RANBP2: variants seen among roughly 807,000 people sequenced by gnomAD.
The protein encoded by RANBP2 is E3 SUMO-protein ligase RanBP2.
A neutral mutation model predicts 303.6 loss-of-function variants in RANBP2; 57 were observed. That is an observed-to-expected ratio of 0.19 (90% CI 0.15 to 0.23). RANBP2 has a LOEUF of 0.23. Among genes scored for constraint, RANBP2 ranks in the 10% least tolerant of loss-of-function variants. RANBP2 has a pLI of 1.00. For synonymous variants in RANBP2, 1,167 were observed against 1,301.5 expected (o/e 0.90, Z 2.23); for missense variants, 3,138 against 3,780.8 (o/e 0.83, Z 4.46).
the RANBP2 span, among the ~76,000 whole-genome samples, chr2:109,523,509 C>T: frequency 1.2e-4 from 19 of 152,202 alleles, no homozygotes; most frequent in African/African-American, 3.9e-4. Context: ...GTGATACACA[C>T]GCTGTTCCAT....
chr2:108,836,844 C>T, the RANBP2 span, among the ~76,000 whole-genome samples: 13 of 151,646 alleles, frequency 8.6e-5, no homozygotes, highest in Non-Finnish European at 1.2e-4. Flanking sequence ...GAACTGTTTT[C>T]CTAATTTCCT....
At chr2:108,757,077 T>TA (rs1676374850) in intron 17 of RANBP2, among the ~76,000 whole-genome samples, 1 of 152,212 alleles carries the variant, frequency 6.6e-6, no homozygotes, top group South Asian at 2.1e-4. Context: ...AAAGCAGACA[T>TA]GCTAGATCTG....
the RANBP2 span, among the ~76,000 whole-genome samples, chr2:109,415,376 A>G: frequency 6.6e-6 from 1 of 152,200 alleles, no homozygotes; most frequent in African/African-American, 2.4e-5. Context: ...CAGGCTTGCG[A>G]AGGTTGAAAG....
the RANBP2 span, among the ~76,000 whole-genome samples, chr2:109,300,600 C>T: frequency 6.6e-6 from 1 of 152,178 alleles, no homozygotes; most frequent in Non-Finnish European, 1.5e-5. Flanking sequence ...GGCAAATATG[C>T]ACTGGGACTT....
the RANBP2 span, among the ~76,000 whole-genome samples, chr2:109,694,971 C>T: frequency 6.6e-6 from 1 of 152,048 alleles, no homozygotes; most frequent in Non-Finnish European, 1.5e-5. Context: ...TCCTGTTCCA[C>T]CTCTTTCCCA....
rs1460131690 is a variant in RANBP2 at position 108,730,789 on chromosome 2, C to T, written c.156C>T (p.Tyr52=). ...YDLAKKYICT[Y]INVQERDPKA... The stretch of plus-strand genomic sequence containing the variant: ...TAAAAAACAGATACATATGTACTTA[C>T]ATTAATGTGCAAGAGAGGGATCCCA... The change falls in exon 3 of 29, where the codon TAC becomes TAT. Residue 52 remains tyrosine (Y), a synonymous_variant. Transcript: ENST00000283195. 5.0e-6 allele frequency: 8 copies of T among 1,611,424 alleles called. No individual in the cohort carries two copies. Among genetic ancestry groups the T allele is most frequent in the African/African-American group, 2.7e-5 (2 of 74,808 alleles).
chr2:109,581,582 C>T, the RANBP2 span, among the ~76,000 whole-genome samples: 33 of 150,580 alleles, frequency 2.2e-4, no homozygotes, highest in Non-Finnish European at 4.4e-5. Flanking sequence ...AGAAATGGGA[C>T]TGAACACACG....
intron 8 of RANBP2, among the ~76,000 whole-genome samples, chr2:108,748,396 T>A (rs982629728): frequency 2.2e-5 from 3 of 135,828 alleles, no homozygotes; most frequent in Admixed American, 7.3e-5. Flanking sequence ...TTTTTTTTTG[T>A]ATTTTTAGTA....
chr2:109,676,011 G>T, the RANBP2 span, among the ~76,000 whole-genome samples: 1 of 152,234 alleles, frequency 6.6e-6, no homozygotes, highest in Non-Finnish European at 1.5e-5. Flanking sequence ...CTATGCACCC[G>T]CGCTGTCCAC....
the RANBP2 span, among the ~76,000 whole-genome samples, chr2:109,287,820 T>C: frequency 6.6e-6 from 1 of 152,228 alleles, no homozygotes; most frequent in East Asian, 1.9e-4. Context: ...TTTAGGGCGC[T>C]GCACTCTCCT....
At chr2:109,445,150 A>G in the RANBP2 span, among the ~76,000 whole-genome samples, 1 of 152,070 alleles carries the variant, frequency 6.6e-6, no homozygotes, top group Admixed American at 6.5e-5. Context: ...TACAGAGCAG[A>G]GATGAAAAAT....
chr2:109,518,915 C>CTTTTTTTTTTTTTTTTTTT, the RANBP2 span, among the ~76,000 whole-genome samples: 2 of 110,998 alleles, frequency 1.8e-5, no homozygotes, highest in Admixed American at 9.9e-5. Flanking sequence ...TGCTACATAT[C>CTTTTTTTTTTTTTTTTTTT]TTTTTTTTTT....
chr2:109,615,048 G>GACA, the RANBP2 span: 1 of 1,548,654 alleles, frequency 6.5e-7, no homozygotes, highest in Non-Finnish European at 8.7e-7. Context: ...CGAGGAGGCG[G>GACA]ACAGGGGCAG....
chr2:109,170,288 TCTTCTCTTCTCTTCTCTTCTCTTCTCTC>T, the RANBP2 span, among the ~76,000 whole-genome samples: 1 of 124,224 alleles, frequency 8.0e-6, no homozygotes, highest in African/African-American at 2.9e-5. Context: ...TCTTCTCTTC[TCTTCTCTTCTCTTCTCTTCTCTTCTCTC>T]CTCTCTCTCT....
intron 1 of RANBP2, among the ~76,000 whole-genome samples, chr2:108,720,576 A>G (rs1263746037): frequency 6.6e-6 from 1 of 152,198 alleles, no homozygotes; most frequent in African/African-American, 2.4e-5. Flanking sequence ...TTTGGCTTGA[A>G]TAATCACAGC....
chr2:109,678,961 A>C, the RANBP2 span, among the ~76,000 whole-genome samples: 1 of 152,212 alleles, frequency 6.6e-6, no homozygotes, highest in Non-Finnish European at 1.5e-5. Context: ...CTGAGCTCTC[A>C]GTCTGGCTGG....
the RANBP2 span, chr2:109,613,222 A>G: frequency 3.1e-6 from 4 of 1,277,786 alleles, no homozygotes; most frequent in Non-Finnish European, 4.1e-6. Flanking sequence ...TAAATCTACA[A>G]AAGTAACTGG....
the RANBP2 span, among the ~76,000 whole-genome samples, chr2:108,889,307 C>T: frequency 6.6e-6 from 1 of 152,042 alleles, no homozygotes; most frequent in Non-Finnish European, 1.5e-5. Context: ...TCTGTTAGGA[C>T]CAATTGCTCT....
At chr2:109,082,855 T>G in the RANBP2 span, among the ~76,000 whole-genome samples, 1 of 139,632 alleles carries the variant, frequency 7.2e-6, no homozygotes, top group Non-Finnish European at 1.5e-5. Context: ...AGACGGAGTC[T>G]CACTCTGTCT....
Sources: gnomAD v4.1 joint callset for allele counts (sites outside exome capture counted in the v4.1 genomes callset) on GRCh38, gnomAD v4.1.1 for gene constraint, MANE v1.5 for transcripts, NCBI Gene and HGNC (gene_info 2026-07-23, HGNC 2026-07-21) for gene names.